Variants in WDR70 observed in about 807,000 individuals in gnomAD.
WDR70 encodes WD repeat domain 70, also known as WD repeat-containing protein 70.
In WDR70, 53 loss-of-function variants were observed where a neutral mutation model predicts 88.6. The observed-to-expected ratio is 0.60, with a 90% CI of 0.48 to 0.75. The LOEUF is 0.75. Ranked by LOEUF, WDR70 falls within the 30% of genes least tolerant of loss-of-function variation. The pLI, the probability that WDR70 is intolerant of heterozygous loss-of-function variation, is 0.00. For synonymous variants in WDR70, 280 were observed against 270.0 expected, an observed-to-expected ratio of 1.04 and a Z score of -0.36; for missense variants, 610 against 823.2, an observed-to-expected ratio of 0.74 and a Z score of 3.17.
At chr5:37,467,159 G>A (rs1292565187) in intron 7 of WDR70, among the ~76,000 whole-genome samples, 3 of 150,326 alleles carry the variant, frequency 2.0e-5, no homozygotes, top group Admixed American at 1.3e-4. Context: ...CCTGGGAGGC[G>A]GAGGTTGCAG....
chr5:37,472,600 T>C (rs1739358938), intron 7 of WDR70, among the ~76,000 whole-genome samples: 1 of 152,024 alleles, frequency 6.6e-6, no homozygotes. Flanking sequence ...GTTCAAGAAA[T>C]TCTCTTGCCT....
intron 13 of WDR70, among the ~76,000 whole-genome samples, chr5:37,717,697 G>T (rs1387995172): frequency 6.6e-6 from 1 of 152,182 alleles, no homozygotes; most frequent in East Asian, 1.9e-4. Flanking sequence ...TAGCAGCGTG[G>T]CAGCTCAGCT....
intron 8 of WDR70, among the ~76,000 whole-genome samples, chr5:37,484,054 G>A (rs1272455131): frequency 9.9e-5 from 15 of 151,310 alleles, no homozygotes; most frequent in Non-Finnish European, 1.5e-4. Context: ...GGGAAGAGGC[G>A]CTCCTCACTT....
intron 17 of WDR70, among the ~76,000 whole-genome samples, chr5:37,751,843 C>A (rs1256666705): frequency 6.6e-6 from 1 of 152,274 alleles, no homozygotes; most frequent in Non-Finnish European, 1.5e-5. Flanking sequence ...CACAGAAAGT[C>A]TTTGTGCAGA....
intron 5 of WDR70, among the ~76,000 whole-genome samples, chr5:37,433,910 C>G (rs965107486): frequency 6.6e-6 from 1 of 152,164 alleles, no homozygotes; most frequent in Non-Finnish European, 1.5e-5. Flanking sequence ...GTTCTTTTAT[C>G]ATTAATCTAA....
chr5:37,401,091 T>C (rs960826789), intron 5 of WDR70, among the ~76,000 whole-genome samples: 2 of 150,012 alleles, frequency 1.3e-5, no homozygotes, highest in Non-Finnish European at 3.0e-5. Context: ...CTTGACCTCC[T>C]GGGCTTAAGT....
At chr5:37,599,145 G>T (rs1743789241) in intron 9 of WDR70, among the ~76,000 whole-genome samples, 1 of 152,184 alleles carries the variant, frequency 6.6e-6, no homozygotes, top group African/African-American at 2.4e-5. Flanking sequence ...TTGGCAGAAT[G>T]AATCTAACAA....
intron 10 of WDR70, among the ~76,000 whole-genome samples, chr5:37,647,082 A>G (rs529128012): frequency 3.9e-5 from 6 of 152,098 alleles, no homozygotes; most frequent in African/African-American, 1.2e-4. Context: ...CTCTGACTGA[A>G]TATTTTCAAA....
intron 9 of WDR70, among the ~76,000 whole-genome samples, chr5:37,518,322 C>T (rs1384266173): frequency 1.3e-5 from 2 of 151,438 alleles, no homozygotes; most frequent in African/African-American, 2.4e-5. Flanking sequence ...TTTTTTTAAC[C>T]CATTAACCAT....
intron 8 of WDR70, among the ~76,000 whole-genome samples, chr5:37,495,222 TAAG>T (rs1448311282): frequency 6.6e-6 from 1 of 152,230 alleles, no homozygotes; most frequent in Non-Finnish European, 1.5e-5. Context: ...GGACTCTAGT[TAAG>T]AAGAACTTTT....
chr5:37,733,022 A>G (rs1398170706), intron 17 of WDR70, among the ~76,000 whole-genome samples: 1 of 152,048 alleles, frequency 6.6e-6, no homozygotes, highest in African/African-American at 2.4e-5. Flanking sequence ...TGTTATATTA[A>G]TTACTACAAA....
intron 8 of WDR70, among the ~76,000 whole-genome samples, chr5:37,481,069 C>G (rs187549556): frequency 1.3e-5 from 2 of 152,324 alleles, no homozygotes; most frequent in Non-Finnish European, 2.9e-5. Context: ...CCAGGTGATG[C>G]AAGAAGTGGG....
At chr5:37,415,289 C>T (rs1379804434) in intron 5 of WDR70, among the ~76,000 whole-genome samples, 3 of 151,796 alleles carry the variant, frequency 2.0e-5, no homozygotes, top group African/African-American at 7.2e-5. Flanking sequence ...TCTCAATGAG[C>T]TGTTGGGTAC....
At chr5:37,456,053 T>A (rs202231128) in intron 7 of WDR70, among the ~76,000 whole-genome samples, 1 of 145,822 alleles carries the variant, frequency 6.9e-6, no homozygotes, top group Non-Finnish European at 1.5e-5. Flanking sequence ...AAAGCTTCTA[T>A]AAATACTCCG....
chr5:37,477,911 G>A (rs556059006), intron 7 of WDR70, among the ~76,000 whole-genome samples: 7 of 152,238 alleles, frequency 4.6e-5, no homozygotes, highest in South Asian at 2.1e-4. Context: ...TCTTTGGATT[G>A]CCCATATCCC....
intron 10 of WDR70, among the ~76,000 whole-genome samples, chr5:37,629,240 A>G (rs1435639507): frequency 3.3e-5 from 5 of 152,246 alleles, no homozygotes; most frequent in East Asian, 1.9e-4. Context: ...CAATTTGACT[A>G]TGTTGGGCTC....
Position 37,674,355 on chromosome 5 carries a change from G to T in WDR70, c.1093-23300G>T, listed in dbSNP as rs375474850. On this transcript the variant is annotated intron_variant, in intron 10 of 17. Transcript: ENST00000265107. ...CCATTAACTCGTCATTTAGCATTAG[G>T]TATATCTCCTAATGCTATTCCCCCG... Among the ~76,000 whole-genome samples the T allele has an allele frequency of 3.0e-4, 45 of 152,032 alleles. 2 individuals are homozygous for T. In the South Asian group the frequency reaches 9.2e-3, roughly 31 times the overall value.
chr5:37,389,600 G>A (rs2111875977), intron 3 of WDR70, among the ~76,000 whole-genome samples: 1 of 152,174 alleles, frequency 6.6e-6, no homozygotes, highest in Non-Finnish European at 1.5e-5. Flanking sequence ...TTTTAGTAGA[G>A]ACGGGATTTC....
chr5:37,748,741 A>C (rs1346717974), intron 17 of WDR70, among the ~76,000 whole-genome samples: 3 of 152,248 alleles, frequency 2.0e-5, no homozygotes. Flanking sequence ...AATATCCAGA[A>C]TTTACAAGGA....
Sources: allele counts gnomAD v4.1 joint callset (sites outside exome capture counted in the v4.1 genomes callset), GRCh38; gene constraint gnomAD v4.1.1; transcripts MANE v1.5; gene names NCBI Gene and HGNC (gene_info 2026-07-23, HGNC 2026-07-21).